F8: variants seen among roughly 807,000 people sequenced by gnomAD.
F8 encodes coagulation factor VIII.
Under a neutral mutation model 140.6 loss-of-function variants are expected in F8, and 12 were observed. That is an observed-to-expected ratio of 0.09 (90% CI 0.05 to 0.14). F8 has a LOEUF of 0.14. Among genes scored for constraint, F8 ranks in the 10% least tolerant of loss-of-function variants. The pLI is 1.00. For missense variants in F8, 1,354 were observed against 1,720.7 expected (o/e 0.79, Z 3.77); for synonymous variants, 585 against 614.6 (o/e 0.95, Z 0.71).
At position 154,837,553 on chromosome X, in the gene F8, G is replaced by A; in HGVS notation, c.*44C>T. On this transcript the variant is annotated 3_prime_UTR_variant, in exon 26 of 26. Coordinates refer to ENST00000360256, the MANE Select transcript of F8 (RefSeq NM_000132.4). ...GGGAGGGACACTGCCCTGGAGCTGA[G>A]GAGGGAGAGGTGACGGCAGTGGCAG... 8.5e-7 allele frequency: 1 copy of A among 1,177,893 alleles called. No homozygotes were observed. The highest frequency in any genetic ancestry group is 1.1e-6 in the Non-Finnish European group (1 of 875,924).
chrX:154,940,405 A>C (rs1329176830), intron 13 of F8, among the ~76,000 whole-genome samples: 1 of 112,290 alleles, frequency 8.9e-6, no homozygotes, highest in Non-Finnish European at 1.9e-5. Flanking sequence ...AACTGGAAGA[A>C]AGGGTATCAG....
chrX:154,843,972 G>A lies in F8; in HGVS notation c.6901-6220C>T, dbSNP rs942393215. Among the ~76,000 whole-genome samples, 8 of 111,506 alleles carry A rather than the reference G, an allele frequency of 7.2e-5. No homozygotes were observed. In the South Asian group the frequency reaches 3.0e-3, roughly 42 times the overall value. On this transcript the variant is annotated intron_variant, in intron 25 of 25. Transcript: ENST00000360256. Reference sequence around the variant, plus strand: ...CATCTTGAATTAATTTTTGTATAAGGTGTAAGGAAGGGATCCAGTTTCAGC... The same window carrying A: ...CATCTTGAATTAATTTTTGTATAAGATGTAAGGAAGGGATCCAGTTTCAGC...
rs781994014 is a variant in F8, at chrX:154,956,337, A to T, written c.1752+620T>A. Among the ~76,000 whole-genome samples the T allele has an allele frequency of 2.2e-3, 246 of 112,331 alleles. 2 individuals are homozygous for T. The highest frequency in any genetic ancestry group is 3.9e-3 in the Non-Finnish European group (205 of 53,245). On this transcript the variant is annotated intron_variant, in intron 11 of 25. Coordinates refer to ENST00000360256, the MANE Select transcript of F8 (RefSeq NM_000132.4). ...ATCCTCAGCTTATGAAGATGACAGGATTAAGAGATTAAAGTAAAGACAGGC... is the reference window on the plus strand; with the variant it reads ...ATCCTCAGCTTATGAAGATGACAGGTTTAAGAGATTAAAGTAAAGACAGGC...
intron 15 of F8, among the ~76,000 whole-genome samples, chrX:154,905,485 C>T (rs2073033577): frequency 9.0e-6 from 1 of 111,711 alleles, no homozygotes; most frequent in African/African-American, 3.2e-5. Flanking sequence ...AAATTGCCCA[C>T]AATTCCATAA....
At chrX:154,881,657 T>C (rs1192885179) in intron 22 of F8, among the ~76,000 whole-genome samples, 8 of 106,931 alleles carry the variant, frequency 7.5e-5, no homozygotes, top group African/African-American at 2.8e-4. Context: ...CAAAACGCAG[T>C]ACCCTTTCAT....
At chrX:154,919,902 C>T (rs1487179054) in intron 14 of F8, 1 of 209,324 alleles carries the variant, frequency 4.8e-6, no homozygotes, top group Non-Finnish European at 9.4e-6. Flanking sequence ...AGGGCGACTC[C>T]TCAGCCTCAT....
At chrX:154,902,272 AGTT>A in intron 18 of F8, 105 bp from the exon 19 acceptor site, 2 of 614,501 alleles carry the variant, frequency 3.3e-6, no homozygotes, top group Non-Finnish European at 5.6e-6. Flanking sequence ...CAAATTTGGT[AGTT>A]CCACTACTTT....
intron 25 of F8, among the ~76,000 whole-genome samples, chrX:154,850,949 G>T (rs2072611159): frequency 8.9e-6 from 1 of 112,092 alleles, no homozygotes; most frequent in Non-Finnish European, 1.9e-5. Flanking sequence ...GTGAAGTTCA[G>T]TGCCATTTAG....
intron 22 of F8, among the ~76,000 whole-genome samples, chrX:154,874,577 T>G (rs1443401575): frequency 8.9e-6 from 1 of 112,317 alleles, no homozygotes; most frequent in Non-Finnish European, 1.9e-5. Context: ...CCTCATAACC[T>G]AAACATCTCC....
chrX:154,899,414 T>A (rs1199458768), intron 21 of F8, among the ~76,000 whole-genome samples: 1 of 112,105 alleles, frequency 8.9e-6, no homozygotes, highest in Non-Finnish European at 1.9e-5. Flanking sequence ...TATTTTCAGA[T>A]ATGTTGAGTT....
rs1557285158 is a variant in F8 at position 154,997,073 on chromosome X, C to T, written c.288G>A (p.Gln96=). ...TGACCACTGTATCATAAACCTCAGC[C>T]TGGATGGTAGGACCTAGCAGACCTG... ...PWMGLLGPTI[Q]AEVYDTVVIT... Residue 96 remains glutamine (Q), a synonymous_variant, in exon 3 of 26, where the codon CAG becomes CAA. Coordinates refer to ENST00000360256, the MANE Select transcript of F8 (RefSeq NM_000132.4). 1.7e-6 allele frequency: 2 copies of T among 1,211,521 alleles called. No homozygotes were observed. The highest frequency in any genetic ancestry group is 4.3e-5 in the Admixed American group (2 of 46,070).
rs1465494827 is a variant in F8, at chrX:154,906,577, G to A, written c.5220-4C>T. ...AGGGACACTGCCACTCTGAGCCCTG[G>A]AGAAAAAAAGCAGAGGAAAAGCAAT... On this transcript the variant is annotated splice_polypyrimidine_tract_variant and splice_region_variant and intron_variant, in intron 14 of 25. Transcript: ENST00000360256. 1.7e-6 allele frequency: 2 copies of A among 1,209,438 alleles called. No individual in the cohort carries two copies. The highest frequency in any genetic ancestry group is 1.7e-5 in the African/African-American group (1 of 57,659).
chrX:154,844,328 A>C (rs782718166), intron 25 of F8, among the ~76,000 whole-genome samples: 2 of 112,256 alleles, frequency 1.8e-5, no homozygotes, highest in East Asian at 5.6e-4. Context: ...TTCTGTAAAG[A>C]AAGTCATTGG....
At chrX:154,955,317 ATTTTTTTTTT>A (rs34537569) in intron 11 of F8, among the ~76,000 whole-genome samples, 3 of 66,890 alleles carry the variant, frequency 4.5e-5, no homozygotes, top group Non-Finnish European at 7.9e-5. Context: ...TGCCCAGCTA[ATTTTTTTTTT>A]TTTTTTTTTT....
chrX:154,838,429 C>T lies in F8; in HGVS notation c.6901-677G>A, dbSNP rs140185067. 4.0e-4 allele frequency among the ~76,000 whole-genome samples: 45 copies of T among 111,645 alleles called. 1 individual carries two copies. In the East Asian group the frequency reaches 9.9e-3, roughly 24 times the overall value. The stretch of plus-strand genomic sequence containing the variant: ...AACCCTGTGGGTTTTGTGTGGATTC[C>T]GAGGTAATCCTACAGTAGAAAGTCC... On this transcript the variant is annotated intron_variant, in intron 25 of 25. Transcript: ENST00000360256.
Position 154,906,514 on chromosome X carries a change from C to T in F8, c.5279G>A (p.Gly1760Asp). The change falls in exon 15 of 26, where the codon GGC becomes GAC. Residue 1760 changes from glycine (G) to aspartate (D), a missense_variant. This residue lies in a region of F8 where 316 missense variants were observed against 485.4 expected (regional missense o/e 0.65). Transcript: ENST00000360256. ...ACGGTATAAGGGCTGAGTAAAGGAG[C>T]CATCAGTAAATTCCTGGAAAACAAC... ...KKVVFQEFTD[G>D]SFTQPLYRGE... 8.3e-7 allele frequency: 1 copy of T among 1,209,975 alleles called. No homozygotes were observed. The highest frequency in any genetic ancestry group is 3.0e-5 in the East Asian group (1 of 33,843).
chrX:154,879,556 T>C (rs2072843201), intron 22 of F8, among the ~76,000 whole-genome samples: 1 of 112,430 alleles, frequency 8.9e-6, no homozygotes, highest in South Asian at 3.7e-4. Flanking sequence ...CATTATAAAT[T>C]TGGCTTTACG....
At position 154,993,221 on chromosome X, in the gene F8, T is replaced by C. The variant is rs929565846; in HGVS notation, c.389-73A>G. ...TCAAAGAAACATGTCAAGTTTATTGTCACCAATAGGTTCTACATAAGAAAC... is the reference window on the plus strand; with the variant it reads ...TCAAAGAAACATGTCAAGTTTATTGCCACCAATAGGTTCTACATAAGAAAC... On this transcript the variant is annotated intron_variant, in intron 3 of 25. Coordinates refer to ENST00000360256, the MANE Select transcript of F8 (RefSeq NM_000132.4). 13 of 877,082 alleles carry C rather than the reference T, an allele frequency of 1.5e-5. No individual in the cohort carries two copies. In the African/African-American group the frequency reaches 2.4e-4, roughly 16 times the overall value. The allele number at this position is 877,082 out of a possible 1,213,427, so 72.3% of individuals were successfully genotyped here. A position where few individuals can be genotyped will look rare whatever the true frequency, so the allele number is the denominator to read the frequency against.
chrX:154,967,217 A>G (rs1212622475), intron 7 of F8, among the ~76,000 whole-genome samples: 3 of 111,356 alleles, frequency 2.7e-5, no homozygotes, highest in Non-Finnish European at 3.8e-5. Context: ...ATAACAGCTT[A>G]TTGGGAAAAA....
Sources: gnomAD v4.1 joint callset for allele counts (sites outside exome capture counted in the v4.1 genomes callset) on GRCh38, gnomAD v4.1.1 for gene constraint, gnomAD v4.1.1 regional missense constraint, MANE v1.5 for transcripts, NCBI Gene and HGNC (gene_info 2026-07-23, HGNC 2026-07-21) for gene names.